ROBO1: variants seen among roughly 807,000 people sequenced by gnomAD.
The protein encoded by ROBO1 is roundabout guidance receptor 1, also known as roundabout homolog 1.
In ROBO1, 149 loss-of-function variants were observed where a neutral mutation model predicts 195.9. That is an observed-to-expected ratio of 0.76 (90% CI 0.67 to 0.87). The LOEUF is 0.87. Among genes scored for constraint, ROBO1 ranks in the 40% least tolerant of loss-of-function variants. The probability of loss-of-function intolerance (pLI) is 0.00; values close to 1 mark genes in which losing one functional copy is unlikely to be tolerated. For missense variants in ROBO1, 1,933 were observed against 2,068.3 expected, an observed-to-expected ratio of 0.93 and a Z score of 1.27; for synonymous variants, 816 against 733.2, an observed-to-expected ratio of 1.11 and a Z score of -1.82.
chr3:79,102,447 A>G (rs1225212323), intron 3 of ROBO1, among the ~76,000 whole-genome samples: 1 of 151,776 alleles, frequency 6.6e-6, no homozygotes, highest in Non-Finnish European at 1.5e-5. Context: ...AACATCATAA[A>G]TTGCAGCCAT....
At chr3:79,013,801 A>C (rs1298502509) in intron 3 of ROBO1, among the ~76,000 whole-genome samples, 1 of 152,204 alleles carries the variant, frequency 6.6e-6, no homozygotes, top group Admixed American at 6.5e-5. Context: ...GATAATGGTG[A>C]GTGTTTAGTA....
chr3:78,883,555 T>G (rs897534307), intron 4 of ROBO1, among the ~76,000 whole-genome samples: 17 of 151,844 alleles, frequency 1.1e-4, no homozygotes, highest in African/African-American at 3.9e-4. Flanking sequence ...CTAATTTTCT[T>G]AATTTTCTGT....
At chr3:79,740,000 A>C (rs1236439954) in intron 1 of ROBO1, among the ~76,000 whole-genome samples, 1 of 152,010 alleles carries the variant, frequency 6.6e-6, no homozygotes, top group Non-Finnish European at 1.5e-5. Context: ...CATGTTGATA[A>C]TCTCATATGA....
intron 3 of ROBO1, among the ~76,000 whole-genome samples, chr3:78,986,934 T>TA (rs1336135034): frequency 6.6e-6 from 1 of 152,146 alleles, no homozygotes; most frequent in Non-Finnish European, 1.5e-5. Context: ...TTTTACTAGG[T>TA]ATAGAGAATT....
chr3:78,946,778 A>T (rs1327715730), intron 3 of ROBO1, among the ~76,000 whole-genome samples: 4 of 152,334 alleles, frequency 2.6e-5, no homozygotes, highest in African/African-American at 9.6e-5. Flanking sequence ...CAGGAGACCC[A>T]TCTCACGTGC....
chr3:78,722,580 T>C (rs1305755721), intron 5 of ROBO1, among the ~76,000 whole-genome samples: 1 of 152,124 alleles, frequency 6.6e-6, no homozygotes, highest in Non-Finnish European at 1.5e-5. Flanking sequence ...CATCAATGAC[T>C]AAATAAGGTC....
At chr3:78,736,018 T>C (rs1028495860) in intron 5 of ROBO1, among the ~76,000 whole-genome samples, 6 of 152,164 alleles carry the variant, frequency 3.9e-5, no homozygotes, top group African/African-American at 1.2e-4. Flanking sequence ...GTCACACTTA[T>C]AGCAATGTAT....
chr3:78,816,955 G>A (rs1373773414), intron 4 of ROBO1, among the ~76,000 whole-genome samples: 2 of 151,064 alleles, frequency 1.3e-5, no homozygotes, highest in Admixed American at 1.3e-4. Context: ...TGCGCAGTGT[G>A]CACATGTACC....
chr3:79,752,614 C>A (rs769385401), intron 1 of ROBO1, among the ~76,000 whole-genome samples: 1 of 152,044 alleles, frequency 6.6e-6, no homozygotes, highest in East Asian at 1.9e-4. Context: ...ATTCTGCAGG[C>A]AGTAAAGCAA....
chr3:79,500,398 G>C (rs1488763848), intron 2 of ROBO1, among the ~76,000 whole-genome samples: 1 of 152,170 alleles, frequency 6.6e-6, no homozygotes, highest in Non-Finnish European at 1.5e-5. Flanking sequence ...CCAAAGTGCT[G>C]GGATAACAGG....
chr3:78,792,957 T>A (rs1168025603), intron 4 of ROBO1, among the ~76,000 whole-genome samples: 1 of 151,402 alleles, frequency 6.6e-6, no homozygotes, highest in Admixed American at 6.6e-5. Flanking sequence ...ATCAAATAAA[T>A]CCAGGCATTG....
At chr3:79,093,652 T>C (rs1033471954) in intron 3 of ROBO1, among the ~76,000 whole-genome samples, 2 of 152,084 alleles carry the variant, frequency 1.3e-5, no homozygotes, top group Non-Finnish European at 2.9e-5. Flanking sequence ...CCTGGTTATG[T>C]TCTAGGCAGT....
rs201850212 is a variant in ROBO1 at position 78,945,862 on chromosome 3, C to T, written c.173-6935G>A. Among the ~76,000 whole-genome samples the T allele has an allele frequency of 1.9e-4, 29 of 151,788 alleles. No individual in the cohort carries two copies. The East Asian group carries it at 5.3e-3, about 27-fold the overall frequency. On this transcript the variant is annotated intron_variant, in intron 3 of 30. Transcript: ENST00000464233. The stretch of plus-strand genomic sequence containing the variant: ...GCTGAAAACCAAGGCACGAGAGCTA[C>T]GTGACAACTGTAGAAGCCTCCGTAG...
rs113779982 is a variant in ROBO1 at position 79,052,740 on chromosome 3, C to T, written c.172+72716G>A. 6.3e-4 allele frequency among the ~76,000 whole-genome samples: 96 copies of T among 152,224 alleles called. 2 individuals carry two copies. Among genetic ancestry groups the T allele is most frequent in the African/African-American group, 2.2e-3 (91 of 41,554 alleles). ...ATTGAAATAATGGGGGCTGGTTCCC[C>T]TGACATCTGGCACCCACATGGTCTT... On this transcript the variant is annotated intron_variant, in intron 3 of 30. Transcript: ENST00000464233.
chr3:79,210,264 A>G (rs1239330658), intron 2 of ROBO1, among the ~76,000 whole-genome samples: 2 of 152,178 alleles, frequency 1.3e-5, no homozygotes, highest in African/African-American at 4.8e-5. Flanking sequence ...CCTGACTTCA[A>G]ATTATACTAC....
chr3:78,759,801 T>C (rs931638083), intron 4 of ROBO1, among the ~76,000 whole-genome samples: 2 of 152,056 alleles, frequency 1.3e-5, no homozygotes, highest in Non-Finnish European at 2.9e-5. Flanking sequence ...AAATGCACCA[T>C]AGAAAGATCG....
intron 2 of ROBO1, among the ~76,000 whole-genome samples, chr3:79,177,376 G>T (rs2081275744): frequency 6.6e-6 from 1 of 152,204 alleles, no homozygotes; most frequent in African/African-American, 2.4e-5. Flanking sequence ...ATGGAGTGCT[G>T]TTCCAGCACA....
intron 2 of ROBO1, among the ~76,000 whole-genome samples, chr3:79,477,296 C>A (rs1270799920): frequency 2.4e-4 from 36 of 152,084 alleles, no homozygotes; most frequent in Non-Finnish European, 2.9e-5. Context: ...AGGTAAATCA[C>A]CCTGAACAGC....
intron 4 of ROBO1, among the ~76,000 whole-genome samples, chr3:78,928,471 G>C (rs2039333158): frequency 1.3e-5 from 2 of 152,214 alleles, no homozygotes; most frequent in South Asian, 2.1e-4. Context: ...AAAGAAAAAT[G>C]TTAAGAAATT....
Sources: gnomAD v4.1 joint callset for allele counts (sites outside exome capture counted in the v4.1 genomes callset) on GRCh38, gnomAD v4.1.1 for gene constraint, MANE v1.5 for transcripts, NCBI Gene and HGNC (gene_info 2026-07-23, HGNC 2026-07-21) for gene names.